BACH2: variants seen among roughly 807,000 people sequenced by gnomAD.
The protein encoded by BACH2 is transcription regulator protein BACH2.
In BACH2, 5 loss-of-function variants were observed where a neutral mutation model predicts 61.8. The observed-to-expected ratio is 0.08, with a 90% CI of 0.04 to 0.17. The LOEUF (loss-of-function observed/expected upper bound fraction) is 0.17, where lower values mean the gene tolerates loss of function less well. Ranked by LOEUF, BACH2 falls within the 10% of genes least tolerant of loss-of-function variation. The pLI is 1.00. For missense variants in BACH2, 824 were observed against 1,091.1 expected, an observed-to-expected ratio of 0.76 and a Z score of 3.45; for synonymous variants, 446 against 440.1, an observed-to-expected ratio of 1.01 and a Z score of -0.17.
chr6:90,005,574 G>A (rs1198738571), intron 6 of BACH2, among the ~76,000 whole-genome samples: 10 of 152,174 alleles, frequency 6.6e-5, no homozygotes, highest in Admixed American at 6.5e-4. Flanking sequence ...TGAGCCTGCA[G>A]GGACATTTCA....
intron 5 of BACH2, among the ~76,000 whole-genome samples, chr6:90,055,683 A>G (rs1215189574): frequency 1.3e-5 from 2 of 150,682 alleles, no homozygotes; most frequent in East Asian, 1.9e-4. Context: ...AAGATTCACC[A>G]AAGTTGAAAT....
At chr6:90,172,910 AAT>A (rs1261124599) in intron 4 of BACH2, among the ~76,000 whole-genome samples, 1 of 152,060 alleles carries the variant, frequency 6.6e-6, no homozygotes, top group Non-Finnish European at 1.5e-5. Flanking sequence ...CTATAAACCA[AAT>A]AACCATGGCA....
At chr6:90,166,962 C>T (rs535083989) in intron 4 of BACH2, among the ~76,000 whole-genome samples, 26 of 151,994 alleles carry the variant, frequency 1.7e-4, no homozygotes, top group Non-Finnish European at 2.4e-4. Context: ...TGCTAAATGA[C>T]GAGTTACTGG....
At position 90,245,054 on chromosome 6, in the gene BACH2, G is replaced by A. The variant is rs556913950; in HGVS notation, c.-275+7459C>T. On this transcript the variant is annotated intron_variant, in intron 3 of 8. Transcript: ENST00000257749. Reference sequence around the variant, plus strand: ...ACTAAAAACACACAAAAAATTAGCCGGGTGTGGTGGCAGGTGCCTGTAATC... The same window carrying A: ...ACTAAAAACACACAAAAAATTAGCCAGGTGTGGTGGCAGGTGCCTGTAATC... Among the ~76,000 whole-genome samples, 18 of 151,922 alleles carry A rather than the reference G, an allele frequency of 1.2e-4. No individual in the cohort carries two copies. The South Asian group carries it at 1.5e-3, about 12-fold the overall frequency.
intron 8 of BACH2, 73 bp downstream of exon 8, chr6:89,938,071 A>G: frequency 6.9e-7 from 1 of 1,450,732 alleles, no homozygotes. Context: ...TACTTTTCCA[A>G]CTTTCATTGC....
intron 3 of BACH2, among the ~76,000 whole-genome samples, chr6:90,207,679 A>G (rs1048246577): frequency 6.6e-6 from 1 of 152,092 alleles, no homozygotes; most frequent in Admixed American, 6.5e-5. Flanking sequence ...TGAAAAATAT[A>G]CTATTTTTAA....
At chr6:89,991,191 G>GC (rs1446363336) in intron 6 of BACH2, among the ~76,000 whole-genome samples, 1 of 152,176 alleles carries the variant, frequency 6.6e-6, no homozygotes, top group Admixed American at 6.5e-5. Context: ...TTAACACAGA[G>GC]CAGGTACTCA....
intron 1 of BACH2, among the ~76,000 whole-genome samples, chr6:90,280,198 T>C (rs1562540160): frequency 6.6e-6 from 1 of 152,216 alleles, no homozygotes; most frequent in East Asian, 1.9e-4. Context: ...TGAGTATTCT[T>C]AACAGGTATT....
At chr6:90,118,518 A>G (rs1053795346) in intron 4 of BACH2, among the ~76,000 whole-genome samples, 7 of 152,200 alleles carry the variant, frequency 4.6e-5, no homozygotes, top group African/African-American at 9.6e-5. Context: ...GAGTTTTGAT[A>G]AATAATTTTG....
At chr6:90,259,123 T>G (rs1771077400) in intron 2 of BACH2, among the ~76,000 whole-genome samples, 1 of 152,208 alleles carries the variant, frequency 6.6e-6, no homozygotes, top group Admixed American at 6.5e-5. Flanking sequence ...GTGGTGAAAG[T>G]GGGCATCCAT....
At chr6:90,032,670 T>C (rs1364041310) in intron 5 of BACH2, among the ~76,000 whole-genome samples, 12 of 151,900 alleles carry the variant, frequency 7.9e-5, no homozygotes, top group African/African-American at 2.2e-4. Flanking sequence ...CCATCTCACA[T>C]TGGTTAGAAT....
intron 4 of BACH2, among the ~76,000 whole-genome samples, chr6:90,194,726 G>A (rs1768697102): frequency 6.6e-6 from 1 of 152,208 alleles, no homozygotes; most frequent in Admixed American, 6.5e-5. Context: ...AAGGGCCTGA[G>A]GATGACACTG....
intron 3 of BACH2, among the ~76,000 whole-genome samples, chr6:90,244,846 TAACCAAACAAG>T (rs923877297): frequency 6.6e-6 from 1 of 152,222 alleles, no homozygotes; most frequent in African/African-American, 2.4e-5. Flanking sequence ...CTGCTGAAAT[TAACCAAACAAG>T]AACCGTGAAG....
intron 5 of BACH2, among the ~76,000 whole-genome samples, chr6:90,014,464 A>AT (rs1342162722): frequency 1.6e-3 from 93 of 56,376 alleles, no homozygotes; most frequent in Non-Finnish European, 2.3e-3. Flanking sequence ...ATATATATAT[A>AT]TATATTTTTT....
chr6:90,253,913 T>C (rs1582536099), intron 2 of BACH2, among the ~76,000 whole-genome samples: 1 of 152,292 alleles, frequency 6.6e-6, no homozygotes, highest in East Asian at 1.9e-4. Flanking sequence ...TAAACTATCA[T>C]GGCACAAATT....
At chr6:90,285,259 A>G (rs1463157969) in intron 1 of BACH2, among the ~76,000 whole-genome samples, 2 of 152,178 alleles carry the variant, frequency 1.3e-5, no homozygotes, top group African/African-American at 4.8e-5. Context: ...AATAACAGGG[A>G]ACGGATATAA....
intron 5 of BACH2, among the ~76,000 whole-genome samples, chr6:90,027,360 C>A (rs914883190): frequency 6.6e-6 from 1 of 152,178 alleles, no homozygotes; most frequent in Non-Finnish European, 1.5e-5. Context: ...TGCTACATGA[C>A]ACTTAGTATA....
chr6:90,058,647 A>G (rs532294404), intron 5 of BACH2, among the ~76,000 whole-genome samples: 3 of 152,288 alleles, frequency 2.0e-5, no homozygotes, highest in Admixed American at 2.0e-4. Context: ...TGGAACCAAA[A>G]AAGAGCCCGC....
chr6:90,031,178 A>G (rs893647627), intron 5 of BACH2, among the ~76,000 whole-genome samples: 6 of 152,162 alleles, frequency 3.9e-5, no homozygotes, highest in Non-Finnish European at 7.3e-5. Context: ...AATTCTCAAT[A>G]AATTAGGTAT....
Sources: gnomAD v4.1 joint callset for allele counts (sites outside exome capture counted in the v4.1 genomes callset) on GRCh38, gnomAD v4.1.1 for gene constraint, MANE v1.5 for transcripts, NCBI Gene and HGNC (gene_info 2026-07-23, HGNC 2026-07-21) for gene names.